The following TRAF5 variants were observed in gnomAD, a reference collection of about 807,000 sequenced individuals.
TRAF5 encodes TNF receptor-associated factor 5.
In TRAF5, 48 loss-of-function variants were observed where a neutral mutation model predicts 64.5. That is an observed-to-expected ratio of 0.74 (90% CI 0.59 to 0.95). The LOEUF is 0.95. Among genes scored for constraint, TRAF5 ranks in the 40% least tolerant of loss-of-function variants. TRAF5 has a pLI of 0.00. For missense variants in TRAF5, 545 were observed against 662.8 expected, an observed-to-expected ratio of 0.82 and a Z score of 1.95; for synonymous variants, 206 against 240.5, an observed-to-expected ratio of 0.86 and a Z score of 1.33.
chr1:211,336,563 A>G (rs796305684), intron 1 of TRAF5, among the ~76,000 whole-genome samples: 10 of 152,390 alleles, frequency 6.6e-5, no homozygotes, highest in African/African-American at 2.4e-4. Flanking sequence ...CGTGCTTAGC[A>G]GGAGAGAGGC....
At chr1:211,365,552 C>A in intron 8 of TRAF5, 84 bp downstream of exon 8, 2 of 1,125,424 alleles carry the variant, frequency 1.8e-6, no homozygotes, top group South Asian at 1.4e-5. Context: ...TTTCTATTCT[C>A]CCCTGTTTCA....
intron 4 of TRAF5, 165 bp from the exon 5 acceptor site, chr1:211,359,747 G>T (rs1273567146): frequency 7.4e-6 from 5 of 675,314 alleles, no homozygotes; most frequent in Non-Finnish European, 7.3e-6. Flanking sequence ...CCTCAGCAGA[G>T]ACAGTGGGCA....
chr1:211,333,498 A>T (rs977882617), intron 1 of TRAF5, among the ~76,000 whole-genome samples: 2 of 146,764 alleles, frequency 1.4e-5, no homozygotes, highest in African/African-American at 5.1e-5. Flanking sequence ...CACGGTGCCC[A>T]GTCTTGTTTT....
chr1:211,365,834 G>T (rs1034432152), intron 8 of TRAF5, among the ~76,000 whole-genome samples: 1 of 152,106 alleles, frequency 6.6e-6, no homozygotes, highest in African/African-American at 2.4e-5. Context: ...ACACCTTTTG[G>T]TTAATATCTG....
intron 7 of TRAF5, 49 bp from the exon 8 acceptor site, chr1:211,365,327 T>C (rs753931873): frequency 1.3e-6 from 2 of 1,513,630 alleles, no homozygotes; most frequent in East Asian, 4.6e-5. Flanking sequence ...ACCTCTTTCA[T>C]TTTTGGAGCC....
intron 1 of TRAF5, among the ~76,000 whole-genome samples, chr1:211,335,396 G>T (rs1387200154): frequency 6.6e-6 from 1 of 152,212 alleles, no homozygotes; most frequent in Non-Finnish European, 1.5e-5. Context: ...GGCACCCCAA[G>T]TGGCAACTGT....
rs781186642 is a variant in TRAF5 at position 211,372,288 on chromosome 1, G to A, written c.1260G>A (p.Ala420=). 24 of 1,614,052 alleles carry A rather than the reference G, an allele frequency of 1.5e-5. 1 individual carries two copies. Among genetic ancestry groups the A allele is most frequent in the Middle Eastern group, 3.3e-4 (2 of 6,062 alleles). ...VTDYKMKKRE[A]VDGHTVSIFS... is the part of the protein sequence containing the mutation. ...ATTACAAGATGAAGAAGAGAGAGGCGGTGGATGGGCACACAGTGTCCATCT... is the reference window on the plus strand; with the variant it reads ...ATTACAAGATGAAGAAGAGAGAGGCAGTGGATGGGCACACAGTGTCCATCT... Residue 420 remains alanine (A), a synonymous_variant, in exon 11 of 11, where the codon GCG becomes GCA. Transcript: ENST00000261464.
rs1208391932 is a variant in TRAF5 at position 211,372,318 on chromosome 1, C to T, written c.1290C>T (p.Ser430=). 9 of 1,613,984 alleles carry T rather than the reference C, an allele frequency of 5.6e-6. No individual in the cohort carries two copies. The African/African-American group carries it at 1.1e-4, about 19-fold the overall frequency. The change falls in exon 11 of 11, where the codon AGC becomes AGT. Residue 430 remains serine (S), a synonymous_variant. Coordinates refer to ENST00000261464, the MANE Select transcript of TRAF5 (RefSeq NM_001033910.3). ...ATGGGCACACAGTGTCCATCTTCAG[C>T]CAGTCCTTCTACACCAGCCGCTGTG... ...AVDGHTVSIF[S]QSFYTSRCGY...
chr1:211,351,031 C>CTTTTT (rs11426853), intron 1 of TRAF5, among the ~76,000 whole-genome samples: 7 of 116,030 alleles, frequency 6.0e-5, no homozygotes, highest in Non-Finnish European at 1.0e-4. Flanking sequence ...CTGGCCTCTT[C>CTTTTT]TTTTTTTTTT....
intron 7 of TRAF5, among the ~76,000 whole-genome samples, chr1:211,363,680 G>A (rs1337029914): frequency 2.6e-5 from 4 of 152,108 alleles, no homozygotes; most frequent in Admixed American, 2.0e-4. Context: ...AAAAAGAATA[G>A]GGTTTACCTT....
chr1:211,346,791 C>T (rs1157180269), intron 1 of TRAF5, among the ~76,000 whole-genome samples: 1 of 152,092 alleles, frequency 6.6e-6, no homozygotes, highest in Non-Finnish European at 1.5e-5. Context: ...GAAATGAATC[C>T]GTAGAGATAC....
chr1:211,339,634 G>T (rs1702392246), intron 1 of TRAF5, among the ~76,000 whole-genome samples: 1 of 152,144 alleles, frequency 6.6e-6, no homozygotes, highest in Non-Finnish European at 1.5e-5. Context: ...GCCCTGATCA[G>T]GCCCTTGAGT....
intron 10 of TRAF5, among the ~76,000 whole-genome samples, chr1:211,371,901 T>C (rs1028173366): frequency 2.0e-5 from 3 of 152,232 alleles, no homozygotes; most frequent in Non-Finnish European, 4.4e-5. Context: ...GTGTCTTCTC[T>C]ACACTTCAGT....
chr1:211,333,436 C>A (rs962672712), intron 1 of TRAF5, among the ~76,000 whole-genome samples: 8 of 151,720 alleles, frequency 5.3e-5, no homozygotes, highest in Non-Finnish European at 1.0e-4. Flanking sequence ...CGATCCACTC[C>A]CCCCCCACTC....
intron 1 of TRAF5, among the ~76,000 whole-genome samples, chr1:211,334,541 C>T (rs1259076342): frequency 6.6e-6 from 1 of 152,096 alleles, no homozygotes; most frequent in East Asian, 1.9e-4. Flanking sequence ...ACCTGTAGTC[C>T]CAGCTACTTG....
intron 1 of TRAF5, among the ~76,000 whole-genome samples, chr1:211,331,067 G>A (rs1001018783): frequency 6.6e-6 from 1 of 152,096 alleles, no homozygotes; most frequent in African/African-American, 2.4e-5. Flanking sequence ...TGTTCTCTCT[G>A]TTGCAGAAAT....
intron 1 of TRAF5, among the ~76,000 whole-genome samples, chr1:211,328,778 C>T (rs761335828): frequency 6.6e-6 from 1 of 152,226 alleles, no homozygotes; most frequent in African/African-American, 2.4e-5. Context: ...TTGTAAAGCT[C>T]GTTCCTTTGC....
At chr1:211,332,478 T>C (rs1413690840) in intron 1 of TRAF5, among the ~76,000 whole-genome samples, 1 of 151,530 alleles carries the variant, frequency 6.6e-6, no homozygotes, top group African/African-American at 2.4e-5. Flanking sequence ...TGGAGGGAGG[T>C]GGGTGGGGCT....
intron 2 of TRAF5, among the ~76,000 whole-genome samples, chr1:211,354,126 A>G (rs1256021024): frequency 4.6e-5 from 7 of 152,216 alleles, no homozygotes; most frequent in Non-Finnish European, 8.8e-5. Flanking sequence ...AGAGGAGACA[A>G]ATGTGGCACA....
Sources: allele counts gnomAD v4.1 joint callset (sites outside exome capture counted in the v4.1 genomes callset), GRCh38; gene constraint gnomAD v4.1.1; transcripts MANE v1.5; gene names NCBI Gene and HGNC (gene_info 2026-07-23, HGNC 2026-07-21).